Variants in RIC8B observed in about 807,000 individuals in gnomAD.
RIC8B encodes chaperone Ric-8B.
RIC8B carries 16 observed loss-of-function variants against 57.5 expected under a neutral mutation model. The ratio of observed to expected loss-of-function variants is 0.28; its 90% CI spans 0.19 to 0.42. The LOEUF (loss-of-function observed/expected upper bound fraction) is 0.42. Among genes scored for constraint, RIC8B ranks in the 10% least tolerant of loss-of-function variants. RIC8B has a pLI of 1.00. For synonymous variants in RIC8B, 216 were observed against 250.8 expected, an observed-to-expected ratio of 0.86 and a Z score of 1.31; for missense variants, 481 against 677.0, an observed-to-expected ratio of 0.71 and a Z score of 3.21.
At chr12:106,801,392 A>G (rs74809165) in intron 2 of RIC8B, among the ~76,000 whole-genome samples, 3,589 of 152,344 alleles carry the variant, frequency 0.024, 141 homozygotes, top group African/African-American at 0.082. Context: ...AACTTGTTTA[A>G]TAATTGTTTC....
chr12:106,819,675 A>G (rs994631926), intron 3 of RIC8B, among the ~76,000 whole-genome samples: 4 of 150,550 alleles, frequency 2.7e-5, no homozygotes, highest in Non-Finnish European at 5.9e-5. Flanking sequence ...TGGGAGGATC[A>G]CTTGAGCCCA....
Position 106,886,905 on chromosome 12 carries a change from G to A in RIC8B, c.*890G>A, listed in dbSNP as rs985258220. On this transcript the variant is annotated 3_prime_UTR_variant, in exon 10 of 10. Coordinates refer to ENST00000392837, the MANE Select transcript of RIC8B (RefSeq NM_001330145.2). ...TCAGCAGCACCCATTTGTACATATA[G>A]GTCATTCATACATCACATTTTAAAT... 1 of 152,442 alleles carries A rather than the reference G, an allele frequency of 6.6e-6. No individual in the cohort carries two copies. Among genetic ancestry groups the A allele is most frequent in the African/African-American group, 2.4e-5 (1 of 41,354 alleles). The allele number at this position is 152,442 out of a possible 1,614,324, so 9.4% of individuals were successfully genotyped here.
At chr12:106,854,588 C>T (rs1433075395) in intron 7 of RIC8B, among the ~76,000 whole-genome samples, 11 of 152,024 alleles carry the variant, frequency 7.2e-5, no homozygotes, top group Middle Eastern at 3.4e-3. Flanking sequence ...GTCAGGAGAT[C>T]GAGACCATCC....
chr12:106,820,774 T>C (rs978682286), intron 3 of RIC8B, among the ~76,000 whole-genome samples: 22 of 152,218 alleles, frequency 1.4e-4, no homozygotes, highest in African/African-American at 5.3e-4. Context: ...GTTCCATGCT[T>C]ATTTTAAAGA....
At chr12:106,792,076 A>C (rs1222279193) in intron 2 of RIC8B, among the ~76,000 whole-genome samples, 1 of 152,146 alleles carries the variant, frequency 6.6e-6, no homozygotes, top group African/African-American at 2.4e-5. Flanking sequence ...TCACTTAGAA[A>C]CCAGTAATTT....
chr12:106,822,234 C>T (rs747279118), intron 3 of RIC8B: 5 of 151,950 alleles, frequency 3.3e-5, no homozygotes, highest in African/African-American at 7.3e-5. Flanking sequence ...ACCAAGAAAT[C>T]ACTACACATC....
At chr12:106,800,350 G>A (rs2044676504) in intron 2 of RIC8B, among the ~76,000 whole-genome samples, 1 of 145,002 alleles carries the variant, frequency 6.9e-6, no homozygotes, top group African/African-American at 2.5e-5. Context: ...TGGCTGAGCA[G>A]GAGGAAGAGA....
intron 7 of RIC8B, among the ~76,000 whole-genome samples, chr12:106,858,766 C>T (rs183713537): frequency 1.3e-5 from 2 of 152,152 alleles, no homozygotes; most frequent in African/African-American, 4.8e-5. Context: ...CAAATTTCAC[C>T]AGTTTGCTAT....
intron 1 of RIC8B, among the ~76,000 whole-genome samples, chr12:106,779,814 T>G (rs2043670287): frequency 6.6e-6 from 1 of 151,520 alleles, no homozygotes; most frequent in Admixed American, 6.6e-5. Flanking sequence ...TGGGGAATTA[T>G]GTATCATTCC....
intron 4 of RIC8B, among the ~76,000 whole-genome samples, chr12:106,837,774 T>G (rs917415748): frequency 6.6e-6 from 1 of 151,862 alleles, no homozygotes; most frequent in South Asian, 2.1e-4. Context: ...CCCAAGTAGC[T>G]GGGATTACAG....
chr12:106,862,095 G>T (rs1003482200), intron 8 of RIC8B, among the ~76,000 whole-genome samples: 16 of 152,150 alleles, frequency 1.1e-4, no homozygotes, highest in African/African-American at 3.9e-4. Flanking sequence ...GATTAGTATT[G>T]TTACTGTCTT....
intron 6 of RIC8B, among the ~76,000 whole-genome samples, chr12:106,849,787 T>C (rs1949383243): frequency 6.6e-6 from 1 of 152,208 alleles, no homozygotes; most frequent in Admixed American, 6.5e-5. Flanking sequence ...TAGATATAAT[T>C]ATCTTAAAAA....
chr12:106,862,315 G>A (rs756735609), intron 8 of RIC8B, among the ~76,000 whole-genome samples: 1 of 151,860 alleles, frequency 6.6e-6, no homozygotes, highest in African/African-American at 2.4e-5. Flanking sequence ...TTCCCCCTTC[G>A]GATAGATTTG....
chr12:106,781,175 C>T (rs560707081), intron 1 of RIC8B, among the ~76,000 whole-genome samples: 1 of 152,126 alleles, frequency 6.6e-6, no homozygotes, highest in African/African-American at 2.4e-5. Context: ...GTCTCAAACT[C>T]CTGGTCTCAA....
intron 8 of RIC8B, among the ~76,000 whole-genome samples, chr12:106,865,939 T>C (rs1950120231): frequency 6.6e-6 from 1 of 152,214 alleles, no homozygotes; most frequent in Non-Finnish European, 1.5e-5. Context: ...GTCCTCCAGA[T>C]AGCTGTCATA....
At chr12:106,843,747 C>G (rs1327243354) in intron 5 of RIC8B, 105 bp from the exon 6 acceptor site, 2 of 636,890 alleles carry the variant, frequency 3.1e-6, no homozygotes, top group South Asian at 2.5e-5. Flanking sequence ...AAAAAAAAGT[C>G]CCCACCTCAA....
At chr12:106,842,503 G>C (rs931929296) in intron 4 of RIC8B, 86 bp from the exon 5 acceptor site, 23 of 1,079,254 alleles carry the variant, frequency 2.1e-5, no homozygotes, top group Non-Finnish European at 2.7e-5. Context: ...ACTCTTAAAA[G>C]TCACTTTTGA....
chr12:106,806,240 C>T (rs1566061901), intron 2 of RIC8B, among the ~76,000 whole-genome samples: 1 of 152,194 alleles, frequency 6.6e-6, no homozygotes, highest in Non-Finnish European at 1.5e-5. Context: ...AGCCACTGTG[C>T]CTGTCCCCAG....
intron 1 of RIC8B, among the ~76,000 whole-genome samples, chr12:106,776,913 C>T (rs1049447382): frequency 2.0e-5 from 3 of 152,184 alleles, no homozygotes; most frequent in Non-Finnish European, 4.4e-5. Flanking sequence ...ATCTGTCACC[C>T]AGGCTGGAGT....
Sources: gnomAD v4.1 joint callset for allele counts (sites outside exome capture counted in the v4.1 genomes callset) on GRCh38, gnomAD v4.1.1 for gene constraint, MANE v1.5 for transcripts, NCBI Gene and HGNC (gene_info 2026-07-23, HGNC 2026-07-21) for gene names.